Variants in DNASE1 observed in about 807,000 individuals in gnomAD.
DNASE1 encodes deoxyribonuclease 1.
Under a neutral mutation model 33.9 loss-of-function variants are expected in DNASE1, and 40 were observed. The observed-to-expected ratio is 1.18, with a 90% CI of 0.92 to 1.54. The LOEUF (loss-of-function observed/expected upper bound fraction) is 1.54, where lower values mean the gene tolerates loss of function less well. Among genes scored for constraint, DNASE1 ranks in the 40% most tolerant of loss-of-function variants. DNASE1 has a pLI of 0.00. For synonymous variants in DNASE1, 216 were observed against 160.0 expected (o/e 1.35, Z -2.64); for missense variants, 518 against 372.6 (o/e 1.39, Z -3.21).
At chr16:3,662,668 G>A (rs181283430), downstream of DNASE1, 2 of 690,808 alleles carry the variant, frequency 2.9e-6, no homozygotes, top group Admixed American at 2.0e-5. Flanking sequence ...ACCTGCTCTG[G>A]AGCAGGGCTG....
rs1462557927 is a variant in DNASE1 at position 3,657,319 on chromosome 16, C to T, written c.682C>T (p.Pro228Ser). The change falls in exon 7 of 9, where the codon CCC becomes TCC. Residue 228 changes from proline (P) to serine (S), a missense_variant. Physicochemically the swap from Pro to Ser is moderately conservative, Grantham distance 74. Transcript: ENST00000246949. Reference protein sequence around the residue: ...IPDSADTTATPTHCAYDRIVV... With the variant: ...IPDSADTTATSTHCAYDRIVV... The stretch of plus-strand genomic sequence containing the variant: ...CGACAGCGCTGACACCACAGCTACA[C>T]CCACGCACTGTGCCTATGACAGGTG... The T allele has an allele frequency of 1.2e-6, 2 of 1,613,630 alleles. No individual in the cohort carries two copies. Among genetic ancestry groups the T allele is most frequent in the Non-Finnish European group, 1.7e-6 (2 of 1,180,032 alleles).
chr16:3,657,295 G>T lies in DNASE1; in HGVS notation c.658G>T (p.Asp220Tyr). ...CCCCACCTTCCAGTGGCTGATCCCCGACAGCGCTGACACCACAGCTACACC... is the reference window on the plus strand; with the variant it reads ...CCCCACCTTCCAGTGGCTGATCCCCTACAGCGCTGACACCACAGCTACACC... ...TSPTFQWLIP[D>Y]SADTTATPTH... Residue 220 changes from aspartate (D) to tyrosine (Y), a missense_variant, in exon 7 of 9, where the codon GAC becomes TAC. Coordinates refer to ENST00000246949, the MANE Select transcript of DNASE1 (RefSeq NM_005223.4). 1 of 1,613,860 alleles carries T rather than the reference G, an allele frequency of 6.2e-7. No individual in the cohort carries two copies. Among genetic ancestry groups the T allele is most frequent in the East Asian group, 2.2e-5 (1 of 44,880 alleles).
At chr16:3,620,297 T>G (rs2041260801) in intron 1 of DNASE1, among the ~76,000 whole-genome samples, 1 of 152,132 alleles carries the variant, frequency 6.6e-6, no homozygotes. Flanking sequence ...CATCACATCA[T>G]TTAGTCACGT....
At chr16:3,646,201 C>G (rs565882483) in intron 1 of DNASE1, among the ~76,000 whole-genome samples, 1 of 152,212 alleles carries the variant, frequency 6.6e-6, no homozygotes, top group South Asian at 2.1e-4. Context: ...GCTGGGTTCT[C>G]AAGGTTTTTC....
intron 1 of DNASE1, among the ~76,000 whole-genome samples, chr16:3,619,746 AGT>A (rs2041240102): frequency 2.0e-5 from 3 of 150,484 alleles, no homozygotes; most frequent in Admixed American, 6.6e-5. Context: ...CCTGGGCTCA[AGT>A]GGTTCTCCTG....
chr16:3,611,807 A>G (rs575332149), exon 1 of DNASE1: 15 of 152,242 alleles, frequency 9.9e-5, no homozygotes, highest in African/African-American at 3.4e-4. Flanking sequence ...AGTTTTTGAG[A>G]AAGAGTTAGG....
rs56670885 is a variant in DNASE1, at chr16:3,617,326, CAAAAAAAAA to C, written c.-1359+5339_-1359+5347del. ...AGTCAACAAGAGCGAAACTCCATCT[CAAAAAAAAA>C]AAAAAAAAAAAAAAAAAAGAATACT... On this transcript the variant is annotated intron_variant and NMD_transcript_variant, in intron 1 of 11. Coordinates refer to the DNASE1 transcript ENST00000570769. 3.2e-3 allele frequency among the ~76,000 whole-genome samples: 182 copies of C among 57,718 alleles called. 2 individuals carry two copies. The highest frequency in any genetic ancestry group is 0.021 in the Admixed American group (135 of 6,290). The allele number at this position is 57,718 out of a possible 152,430, so 37.9% of individuals were successfully genotyped here. A position where few individuals can be genotyped will look rare whatever the true frequency, so the allele number is the denominator to read the frequency against.
rs2042669226 is a variant in DNASE1, at chr16:3,656,740, C to T, written c.423C>T (p.Phe141=). The T allele has an allele frequency of 2.5e-6, 4 of 1,609,430 alleles. No individual in the cohort carries two copies. Among genetic ancestry groups the T allele is most frequent in the Non-Finnish European group, 3.4e-6 (4 of 1,177,898 alleles). ...FNREPAIVRF[F]SRFTEVREFA... The stretch of plus-strand genomic sequence containing the variant: ...GAGAGCCAGCCATTGTCAGGTTCTT[C>T]TCCCGGTTCACAGGTGGGTGCTGCC... The change falls in exon 5 of 9, where the codon TTC becomes TTT. Residue 141 remains phenylalanine (F), a synonymous_variant. Transcript: ENST00000246949.
chr16:3,654,770 A>G lies in DNASE1; in HGVS notation c.-276A>G, dbSNP rs2042487289. 2.5e-6 allele frequency: 1 copy of G among 400,168 alleles called. No individual in the cohort carries two copies. Among genetic ancestry groups the G allele is most frequent in the African/African-American group, 2.1e-5 (1 of 48,658 alleles). The allele number at this position is 400,168 out of a possible 1,614,324, so 24.8% of individuals were successfully genotyped here. A position where few individuals can be genotyped will look rare whatever the true frequency, so the allele number is the denominator to read the frequency against. ...AACCCACCTATGCGGAAAGCCACAC[A>G]GAGCCATTGTTTTCTGCACTCTCAG... On this transcript the variant is annotated 5_prime_UTR_variant, in exon 1 of 9. Coordinates refer to ENST00000246949, the MANE Select transcript of DNASE1 (RefSeq NM_005223.4).
intron 7 of DNASE1, 99 bp downstream of exon 7, chr16:3,657,440 C>A: frequency 1.4e-6 from 2 of 1,480,866 alleles, no homozygotes; most frequent in South Asian, 1.2e-5. Context: ...TTTGAACACT[C>A]ACCCAACTGA....
At chr16:3,616,557 G>T (rs2041110644) in intron 1 of DNASE1, among the ~76,000 whole-genome samples, 1 of 152,186 alleles carries the variant, frequency 6.6e-6, no homozygotes, top group African/African-American at 2.4e-5. Context: ...GGAGATGGAG[G>T]TTGCAGTGAT....
chr16:3,617,421 C>T (rs2041148424), intron 1 of DNASE1, among the ~76,000 whole-genome samples: 1 of 147,730 alleles, frequency 6.8e-6, no homozygotes, highest in African/African-American at 2.5e-5. Flanking sequence ...ACACTAAAAG[C>T]AGAAACAACA....
At chr16:3,640,830 A>C, upstream of DNASE1, 1 of 397,870 alleles carries the variant, frequency 2.5e-6, no homozygotes. Flanking sequence ...TGTGGCTGTC[A>C]CTCCTGGGCC....
At chr16:3,662,662 G>T (rs2043153391), downstream of DNASE1, 4 of 688,496 alleles carry the variant, frequency 5.8e-6, no homozygotes, top group Non-Finnish European at 1.1e-5. Context: ...GTTCACACCT[G>T]CTCTGGAGCA....
intron 1 of DNASE1, among the ~76,000 whole-genome samples, chr16:3,634,382 C>T (rs890689977): frequency 6.6e-6 from 1 of 151,848 alleles, no homozygotes; most frequent in Non-Finnish European, 1.5e-5. Flanking sequence ...GTGCCCGCCA[C>T]CATGCCCGGC....
chr16:3,657,657 C>T (rs562270242), intron 7 of DNASE1, 63 bp from the exon 8 acceptor site: 74 of 1,598,362 alleles, frequency 4.6e-5, no homozygotes, highest in South Asian at 1.9e-4. Flanking sequence ...TTAGTTCCTG[C>T]GGGTGCTGAG....
rs140465129 is a variant in DNASE1, at chr16:3,637,387, A to G, written c.-1358-3328A>G. On this transcript the variant is annotated intron_variant and NMD_transcript_variant, in intron 1 of 11. Transcript: ENST00000570769. ...TATTTATGTGGTGGGAAGGAGGGGAAGTGTCCTAAGTCCTGTGACTAGGTC... is the reference window on the plus strand; with the variant it reads ...TATTTATGTGGTGGGAAGGAGGGGAGGTGTCCTAAGTCCTGTGACTAGGTC... Among the ~76,000 whole-genome samples, 3 of 152,292 alleles carry G rather than the reference A, an allele frequency of 2.0e-5. No individual in the cohort carries two copies. In the East Asian group the frequency reaches 5.8e-4, roughly 29 times the overall value.
chr16:3,665,222 A>T (rs1211836185), exon 10 of DNASE1: 1 of 152,234 alleles, frequency 6.6e-6, no homozygotes, highest in Admixed American at 6.5e-5. Context: ...CGAAGTCGGC[A>T]AACAACCAGA....
At chr16:3,662,011 T>A (rs909375484), downstream of DNASE1, 2 of 1,611,286 alleles carry the variant, frequency 1.2e-6, no homozygotes, top group Admixed American at 1.7e-5. Context: ...CAGCGTGGGC[T>A]GCAGGAGCTG....
Sources: gnomAD v4.1 joint callset for allele counts (sites outside exome capture counted in the v4.1 genomes callset) on GRCh38, gnomAD v4.1.1 for gene constraint, MANE v1.5 for transcripts, NCBI Gene and HGNC (gene_info 2026-07-23, HGNC 2026-07-21) for gene names.